The following YPEL2 variants were observed in gnomAD, a reference collection of about 807,000 sequenced individuals.
The protein encoded by YPEL2 is protein yippee-like 2.
YPEL2 carries 2 observed loss-of-function variants against 19.1 expected under a neutral mutation model. The observed-to-expected ratio is 0.10, with a 90% CI of 0.04 to 0.33. YPEL2 has a LOEUF of 0.33. YPEL2 is among the 10% of genes least tolerant of loss of function. The probability of loss-of-function intolerance (pLI) is 1.00; values close to 1 mark genes in which losing one functional copy is unlikely to be tolerated. For missense variants in YPEL2, 66 were observed against 140.7 expected, an observed-to-expected ratio of 0.47 and a Z score of 2.68; for synonymous variants, 52 against 50.0, an observed-to-expected ratio of 1.04 and a Z score of -0.17.
At chr17:59,376,964 A>C (rs922596360) in intron 2 of YPEL2, among the ~76,000 whole-genome samples, 7 of 150,324 alleles carry the variant, frequency 4.7e-5, no homozygotes, top group East Asian at 1.9e-4. Context: ...AAAAAAAAAA[A>C]AAAAAAAAAA....
intron 4 of YPEL2, among the ~76,000 whole-genome samples, chr17:59,391,536 A>G (rs1053701374): frequency 1.2e-4 from 18 of 152,080 alleles, no homozygotes; most frequent in Non-Finnish European, 1.9e-4. Context: ...AAATTGTCCC[A>G]GGTGGAGCCT....
chr17:59,383,592 A>T (rs2047961961), intron 2 of YPEL2, among the ~76,000 whole-genome samples: 1 of 50,910 alleles, frequency 2.0e-5, no homozygotes, highest in African/African-American at 9.5e-5. Context: ...AAAAAAAAAA[A>T]AAAAAAAAAA....
At chr17:59,363,202 T>C (rs1224068301) in intron 2 of YPEL2, 2 of 152,112 alleles carry the variant, frequency 1.3e-5, no homozygotes, top group East Asian at 1.9e-4. Flanking sequence ...TTGCCTAGAC[T>C]GGTCTCAAAC....
intron 1 of YPEL2, among the ~76,000 whole-genome samples, chr17:59,349,358 C>CTTTTTTTTTTT (rs58304283): frequency 8.1e-4 from 97 of 119,232 alleles, no homozygotes; most frequent in Non-Finnish European, 1.3e-3. Context: ...CCTTTTTTTT[C>CTTTTTTTTTTT]TTTTTTTTTT....
At chr17:59,368,000 C>A (rs954915787) in intron 2 of YPEL2, among the ~76,000 whole-genome samples, 10 of 152,186 alleles carry the variant, frequency 6.6e-5, no homozygotes, top group African/African-American at 2.4e-4. Flanking sequence ...AGTCACTTAA[C>A]CTCCCTCATC....
chr17:59,378,140 C>T (rs1437900112), intron 2 of YPEL2, among the ~76,000 whole-genome samples: 1 of 152,110 alleles, frequency 6.6e-6, no homozygotes, highest in African/African-American at 2.4e-5. Context: ...GGCAACACGA[C>T]ACCATGAGGC....
intron 2 of YPEL2, among the ~76,000 whole-genome samples, chr17:59,368,892 ATGT>A (rs1009798417): frequency 1.4e-4 from 22 of 152,160 alleles, no homozygotes; most frequent in African/African-American, 5.1e-4. Context: ...TACAATGTTG[ATGT>A]TGTGGAGTAG....
At chr17:59,354,208 T>C (rs2047801169) in intron 2 of YPEL2, 1 of 153,126 alleles carries the variant, frequency 6.5e-6, no homozygotes, top group African/African-American at 2.4e-5. Flanking sequence ...AAATGGATCC[T>C]TCAGGGAGCG....
At chr17:59,344,603 C>CA (rs2047747087) in intron 1 of YPEL2, among the ~76,000 whole-genome samples, 1 of 152,046 alleles carries the variant, frequency 6.6e-6, no homozygotes, top group Non-Finnish European at 1.5e-5. Context: ...ACTAAAAATA[C>CA]AAAAATTAGC....
intron 2 of YPEL2, among the ~76,000 whole-genome samples, chr17:59,363,870 C>T (rs985466753): frequency 6.6e-6 from 1 of 152,122 alleles, no homozygotes; most frequent in Non-Finnish European, 1.5e-5. Context: ...CAAATCCCAC[C>T]CTTTCTTCCC....
At chr17:59,357,487 G>A (rs2047818674) in intron 2 of YPEL2, among the ~76,000 whole-genome samples, 2 of 152,132 alleles carry the variant, frequency 1.3e-5, no homozygotes, top group African/African-American at 2.4e-5. Flanking sequence ...GGGTGTTGTG[G>A]TCTAAATGCT....
At chr17:59,355,695 C>T (rs1432968366) in intron 2 of YPEL2, 1 of 152,080 alleles carries the variant, frequency 6.6e-6, no homozygotes, top group African/African-American at 2.4e-5. Context: ...GGCAAGAGCT[C>T]AGTAAATGAT....
chr17:59,351,804 A>G (rs1473467855), intron 1 of YPEL2, among the ~76,000 whole-genome samples: 2 of 152,212 alleles, frequency 1.3e-5, no homozygotes, highest in African/African-American at 2.4e-5. Context: ...GTCGCTTTGC[A>G]TGAGGAGCTT....
At chr17:59,370,999 G>C (rs958227131) in intron 2 of YPEL2, among the ~76,000 whole-genome samples, 1 of 152,048 alleles carries the variant, frequency 6.6e-6, no homozygotes, top group African/African-American at 2.4e-5. Context: ...TACTAGAGTA[G>C]AGTTCCGCAC....
intron 1 of YPEL2, among the ~76,000 whole-genome samples, chr17:59,343,422 G>C (rs1339998876): frequency 6.6e-6 from 1 of 152,112 alleles, no homozygotes; most frequent in African/African-American, 2.4e-5. Context: ...CCAGTCTTAT[G>C]GGGATAGAGA....
chr17:59,365,796 A>G (rs1360276857), intron 2 of YPEL2, among the ~76,000 whole-genome samples: 5 of 152,086 alleles, frequency 3.3e-5, no homozygotes, highest in Admixed American at 2.6e-4. Context: ...TGGTGGCTGG[A>G]CAGTGAGTTG....
chr17:59,394,441 T>G (rs2048027436), intron 4 of YPEL2, among the ~76,000 whole-genome samples: 1 of 148,424 alleles, frequency 6.7e-6, no homozygotes, highest in South Asian at 2.2e-4. Flanking sequence ...CGCTCCTCAC[T>G]TCCTAGATGG....
chr17:59,386,009 C>T (rs117190208), intron 2 of YPEL2, among the ~76,000 whole-genome samples: 1,641 of 152,262 alleles, frequency 0.011, 13 homozygotes, highest in Non-Finnish European at 0.017. Context: ...TGATTTCAAT[C>T]CAGGATGCTA....
chr17:59,365,830 A>G (rs1203205881), intron 2 of YPEL2, among the ~76,000 whole-genome samples: 1 of 152,036 alleles, frequency 6.6e-6, no homozygotes, highest in African/African-American at 2.4e-5. Flanking sequence ...AGAGGAAGAG[A>G]GGAGGAGATG....
Sources: allele counts gnomAD v4.1 joint callset (sites outside exome capture counted in the v4.1 genomes callset), GRCh38; gene constraint gnomAD v4.1.1; transcripts MANE v1.5; gene names NCBI Gene and HGNC (gene_info 2026-07-23, HGNC 2026-07-21).